The following FBXW8 variants were observed in gnomAD, a reference collection of about 807,000 sequenced individuals.
FBXW8 encodes the protein F-box/WD repeat-containing protein 8.
In FBXW8, 57 loss-of-function variants were observed where a neutral mutation model predicts 65.3. The observed-to-expected ratio is 0.87, with a 90% CI of 0.71 to 1.09. The LOEUF is 1.09. Ranked by LOEUF, FBXW8 falls within the 50% of genes least tolerant of loss-of-function variation. FBXW8 has a pLI of 0.00. For missense variants in FBXW8, 777 were observed against 814.8 expected (o/e 0.95, Z 0.57); for synonymous variants, 308 against 330.2 (o/e 0.93, Z 0.73).
Position 116,945,487 on chromosome 12 carries a change from G to A in FBXW8, c.547G>A (p.Glu183Lys), listed in dbSNP as rs776828825. 3.1e-6 allele frequency: 5 copies of A among 1,614,070 alleles called. No individual in the cohort carries two copies. In the East Asian group the frequency reaches 1.1e-4, roughly 36 times the overall value. The change falls in exon 3 of 11, where the codon GAG (glutamate) becomes AAG (lysine). Residue 183 changes from glutamate to lysine, a missense_variant. Transcript: ENST00000652555. ...TTCTTGCTGGAAGCTCATCTTCCAA[G>A]AGTGCCGAGCCAAGGAACACATGTT... is the stretch of plus-strand genomic sequence containing the variant. ...DYSCWKLIFQ[E>K]CRAKEHMLRT...
chr12:116,970,333 C>T (rs1383621642), intron 5 of FBXW8, among the ~76,000 whole-genome samples: 2 of 152,200 alleles, frequency 1.3e-5, no homozygotes, highest in East Asian at 3.9e-4. Flanking sequence ...AGCCAGCAGT[C>T]CTCTTTATAT....
At chr12:116,938,187 T>C (rs955731391) in intron 2 of FBXW8, among the ~76,000 whole-genome samples, 2 of 152,206 alleles carry the variant, frequency 1.3e-5, no homozygotes, top group African/African-American at 4.8e-5. Context: ...AAACCTGTCA[T>C]TTTTGTTCTC....
At chr12:116,953,682 A>G (rs950232162) in intron 4 of FBXW8, among the ~76,000 whole-genome samples, 4 of 151,832 alleles carry the variant, frequency 2.6e-5, no homozygotes, top group African/African-American at 7.3e-5. Flanking sequence ...CTGAGGCAGG[A>G]GAATGGCGTG....
At chr12:116,918,356 C>G (rs1880611359) in intron 1 of FBXW8, among the ~76,000 whole-genome samples, 1 of 152,176 alleles carries the variant, frequency 6.6e-6, no homozygotes, top group South Asian at 2.1e-4. Flanking sequence ...TATCAGGACT[C>G]TGGGCTGCAG....
At position 116,910,991 on chromosome 12, in the gene FBXW8, G is replaced by A; in HGVS notation, c.-47G>A. ...CTTCCCTGGGCGGGACTGTCTCGTG[G>A]CACCCGGTGGAACCGAGGAGAACGT... On this transcript the variant is annotated 5_prime_UTR_variant, in exon 1 of 11. Coordinates refer to ENST00000652555, the MANE Select transcript of FBXW8 (RefSeq NM_153348.3). 1 of 1,344,712 alleles carries A rather than the reference G, an allele frequency of 7.4e-7. No homozygotes were observed. Among genetic ancestry groups the A allele is most frequent in the Non-Finnish European group, 9.5e-7 (1 of 1,052,562 alleles). 83.3% of individuals were successfully genotyped at this position (1,344,712 alleles called of 1,614,324 possible). A position where few individuals can be genotyped will look rare whatever the true frequency, so the allele number is the denominator to read the frequency against.
intron 7 of FBXW8, among the ~76,000 whole-genome samples, chr12:116,993,015 G>A (rs1164457031): frequency 6.6e-6 from 1 of 150,708 alleles, no homozygotes; most frequent in Non-Finnish European, 1.5e-5. Context: ...TTTCCATAGA[G>A]ATTGTGCTAG....
chr12:116,912,541 G>A (rs1880063955), intron 1 of FBXW8, among the ~76,000 whole-genome samples: 2 of 146,092 alleles, frequency 1.4e-5, no homozygotes, highest in African/African-American at 5.1e-5. Context: ...CTCACTGCAA[G>A]TTCCGCCTCC....
intron 4 of FBXW8, among the ~76,000 whole-genome samples, chr12:116,951,639 A>C (rs1883293327): frequency 2.0e-5 from 3 of 152,166 alleles, no homozygotes. Context: ...TATTAAGTAC[A>C]TTTCACATCA....
intron 2 of FBXW8, among the ~76,000 whole-genome samples, chr12:116,931,314 G>A (rs970171550): frequency 6.6e-6 from 1 of 152,186 alleles, no homozygotes; most frequent in Non-Finnish European, 1.5e-5. Flanking sequence ...ATGAGGTATT[G>A]TGATGCCTCC....
chr12:117,025,442 C>T (rs538707378), intron 9 of FBXW8, among the ~76,000 whole-genome samples: 4 of 152,224 alleles, frequency 2.6e-5, no homozygotes, highest in South Asian at 2.1e-4. Context: ...CCCCACTTAC[C>T]GCAAATCAAG....
At chr12:117,022,827 C>A (rs1413504565) in intron 8 of FBXW8, among the ~76,000 whole-genome samples, 2 of 152,124 alleles carry the variant, frequency 1.3e-5, no homozygotes, top group Non-Finnish European at 2.9e-5. Context: ...ATTGCAACAT[C>A]TTTTCATCCT....
intron 5 of FBXW8, among the ~76,000 whole-genome samples, chr12:116,976,606 C>G (rs961529081): frequency 6.7e-6 from 1 of 149,028 alleles, no homozygotes; most frequent in Non-Finnish European, 1.5e-5. Flanking sequence ...CAGGCATGCA[C>G]CACCACACCG....
chr12:116,911,222 G>C lies in FBXW8; in HGVS notation c.185G>C (p.Gly62Ala). The change falls in exon 1 of 11, where the codon GGC (glycine) becomes GCC (alanine). Residue 62 changes from glycine (G) to alanine (A), a missense_variant. Physicochemically the swap from Gly to Ala is moderately conservative, Grantham distance 60. Coordinates refer to ENST00000652555, the MANE Select transcript of FBXW8 (RefSeq NM_153348.3). ...GCGCTGGCCCAGCGTCTCCTGGAGG[G>C]CGCGGGGAGGCCCCCGGCGGCGCGG... ...DPALAQRLLE[G>A]AGRPPAARAT... The C allele has an allele frequency of 8.0e-7, 1 of 1,244,264 alleles. No homozygotes were observed. The highest frequency in any genetic ancestry group is 4.2e-5 in the Admixed American group (1 of 23,600). The allele number at this position is 1,244,264 out of a possible 1,614,324, so 77.1% of individuals were successfully genotyped here. A position where few individuals can be genotyped will look rare whatever the true frequency, so the allele number is the denominator to read the frequency against.
intron 7 of FBXW8, among the ~76,000 whole-genome samples, chr12:116,994,680 C>A (rs1244333290): frequency 6.6e-6 from 1 of 152,218 alleles, no homozygotes; most frequent in Non-Finnish European, 1.5e-5. Flanking sequence ...ACTTGGAGAT[C>A]ATTTCTATGA....
At chr12:117,008,893 G>A (rs1953739317) in intron 7 of FBXW8, among the ~76,000 whole-genome samples, 1 of 152,096 alleles carries the variant, frequency 6.6e-6, no homozygotes, top group Non-Finnish European at 1.5e-5. Context: ...TTGAGGTCAG[G>A]AGATCGAGAC....
intron 7 of FBXW8, among the ~76,000 whole-genome samples, chr12:117,005,415 C>G (rs1377911347): frequency 6.6e-6 from 1 of 152,158 alleles, no homozygotes; most frequent in African/African-American, 2.4e-5. Context: ...ATCTCTGTCC[C>G]CAGGAACCTT....
At chr12:117,025,441 C>A (rs772250391) in intron 9 of FBXW8, among the ~76,000 whole-genome samples, 1 of 152,230 alleles carries the variant, frequency 6.6e-6, no homozygotes, top group Non-Finnish European at 1.5e-5. Context: ...TCCCCACTTA[C>A]CGCAAATCAA....
In FBXW8 at chr12:117,007,354, C is replaced by G. The variant is rs1953702040; in HGVS notation, c.1240-2969C>G. 2.0e-5 allele frequency among the ~76,000 whole-genome samples: 3 copies of G among 152,102 alleles called. No homozygotes were observed. In the South Asian group the frequency reaches 6.2e-4, roughly 32 times the overall value. ...CCCCATTGCCTTCTAGGTCTACCTG[C>G]AAGCCAAAGAGGAGGAAAAATTCTT... On this transcript the variant is annotated intron_variant, in intron 7 of 10. Transcript: ENST00000652555.
chr12:116,924,640 T>C (rs1393207856), intron 1 of FBXW8, among the ~76,000 whole-genome samples: 1 of 152,176 alleles, frequency 6.6e-6, no homozygotes, highest in East Asian at 1.9e-4. Context: ...CCTACATTTA[T>C]GAACTGTGGG....
Sources: gnomAD v4.1 joint callset for allele counts (sites outside exome capture counted in the v4.1 genomes callset) on GRCh38, gnomAD v4.1.1 for gene constraint, MANE v1.5 for transcripts, NCBI Gene and HGNC (gene_info 2026-07-23, HGNC 2026-07-21) for gene names.